Variants in KDM4C observed in about 807,000 individuals in gnomAD.
KDM4C encodes lysine-specific demethylase 4C.
Under a neutral mutation model 129.3 loss-of-function variants are expected in KDM4C, and 81 were observed. The observed-to-expected ratio is 0.63, with a 90% confidence interval of 0.52 to 0.75. The LOEUF is 0.75. Among genes scored for constraint, KDM4C ranks in the 30% least tolerant of loss-of-function variants. The probability of loss-of-function intolerance (pLI) is 0.00; values close to 1 mark genes in which losing one functional copy is unlikely to be tolerated. For missense variants in KDM4C, 1,457 were observed against 1,304.0 expected, an observed-to-expected ratio of 1.12 and a Z score of -1.81; for synonymous variants, 573 against 456.1, an observed-to-expected ratio of 1.26 and a Z score of -3.26.
intron 4 of KDM4C, among the ~76,000 whole-genome samples, 200 bp from the exon 5 acceptor site, chr9:6,849,307 T>C (rs1424851087): frequency 2.0e-5 from 3 of 152,196 alleles, no homozygotes; most frequent in South Asian, 2.1e-4. Flanking sequence ...GGAACCACAT[T>C]ATGCTGGTAG....
rs761194500 is a variant in KDM4C at position 6,849,509 on chromosome 9, T to C, written c.438T>C (p.Gly146=). Residue 146 remains glycine (G), a splice_region_variant and synonymous_variant, in exon 5 of 22, where the codon GGT becomes GGC. Transcript: ENST00000381309. ...ADINGSIYDE[G]VDEWNIARLN... is the part of the protein sequence containing the mutation. The stretch of plus-strand genomic sequence containing the variant: ...TCTTTTTTTCTCTCTCATTCCAGGG[T>C]GTGGATGAATGGAACATAGCTCGCC... 1.5e-5 allele frequency: 23 copies of C among 1,550,148 alleles called. No individual in the cohort carries two copies. The highest frequency in any genetic ancestry group is 1.8e-5 in the Non-Finnish European group (21 of 1,139,444).
chr9:6,798,494 G>A (rs1004397241), intron 2 of KDM4C, among the ~76,000 whole-genome samples: 24 of 151,966 alleles, frequency 1.6e-4, no homozygotes, highest in Non-Finnish European at 4.4e-5. Flanking sequence ...ATCTTGCACC[G>A]CCCTTAATCC....
At chr9:6,830,845 C>CT (rs1834694111) in intron 4 of KDM4C, among the ~76,000 whole-genome samples, 1 of 152,102 alleles carries the variant, frequency 6.6e-6, no homozygotes, top group Non-Finnish European at 1.5e-5. Context: ...TCTGACATTG[C>CT]TTTAAGAAAT....
At chr9:6,830,641 A>G (rs1834660660) in intron 4 of KDM4C, among the ~76,000 whole-genome samples, 1 of 152,216 alleles carries the variant, frequency 6.6e-6, no homozygotes, top group Non-Finnish European at 1.5e-5. Flanking sequence ...AATATTTAGG[A>G]GAATTATTGT....
chr9:7,032,030 T>C (rs775942868), intron 15 of KDM4C, among the ~76,000 whole-genome samples: 1 of 152,222 alleles, frequency 6.6e-6, no homozygotes, highest in Non-Finnish European at 1.5e-5. Flanking sequence ...AGACAATTCA[T>C]GTCTTAGAAA....
In KDM4C at chr9:7,015,475, T is replaced by G. The variant is rs529284846; in HGVS notation, c.2183-378T>G. Among the ~76,000 whole-genome samples, 5 of 152,284 alleles carry G rather than the reference T, an allele frequency of 3.3e-5. No individual in the cohort carries two copies. The South Asian group carries it at 1.0e-3, about 32-fold the overall frequency. On this transcript the variant is annotated intron_variant, in intron 14 of 21. Coordinates refer to ENST00000381309, the MANE Select transcript of KDM4C (RefSeq NM_015061.6). ...TGAGGTTAAAGGTAGTTAGACTTAA[T>G]TTTTGAAGCAATTTTAAATTATATT...
At chr9:7,054,319 CTTCT>C (rs1485849890) in intron 17 of KDM4C, among the ~76,000 whole-genome samples, 2 of 152,136 alleles carry the variant, frequency 1.3e-5, no homozygotes, top group East Asian at 1.9e-4. Context: ...TTTTCCTTTT[CTTCT>C]TTCTTTCTTA....
intron 3 of KDM4C, among the ~76,000 whole-genome samples, chr9:6,808,977 A>G (rs564377371): frequency 6.6e-6 from 1 of 152,280 alleles, no homozygotes; most frequent in African/African-American, 2.4e-5. Context: ...ACAAAAAATC[A>G]TAGTTTCCAA....
intron 15 of KDM4C, among the ~76,000 whole-genome samples, chr9:7,030,778 A>G (rs1270477853): frequency 6.6e-6 from 1 of 152,226 alleles, no homozygotes; most frequent in Non-Finnish European, 1.5e-5. Flanking sequence ...ATAGTAATAT[A>G]GTACAACAAA....
intron 17 of KDM4C, among the ~76,000 whole-genome samples, chr9:7,082,428 A>T (rs1834636274): frequency 6.6e-6 from 1 of 152,154 alleles, no homozygotes. Flanking sequence ...CCCCGTTAAG[A>T]ATGATGCCAC....
At chr9:6,723,971 T>TG (rs1315036773) in intron 1 of KDM4C, 2 of 152,172 alleles carry the variant, frequency 1.3e-5, no homozygotes, top group African/African-American at 4.8e-5. Flanking sequence ...ATGTTCCCAG[T>TG]GGGGAAATGC....
intron 18 of KDM4C, among the ~76,000 whole-genome samples, chr9:7,124,315 CTG>C (rs1327259752): frequency 6.6e-6 from 1 of 152,198 alleles, no homozygotes; most frequent in Non-Finnish European, 1.5e-5. Context: ...CTGACAATGA[CTG>C]TTTTTCAGTT....
chr9:6,946,297 T>G (rs1315331889), intron 8 of KDM4C, among the ~76,000 whole-genome samples: 1 of 152,140 alleles, frequency 6.6e-6, no homozygotes, highest in African/African-American at 2.4e-5. Flanking sequence ...ATTTTATTTT[T>G]TATTAATTAT....
At chr9:6,905,077 A>G (rs1330486687) in intron 8 of KDM4C, among the ~76,000 whole-genome samples, 2 of 152,260 alleles carry the variant, frequency 1.3e-5, no homozygotes, top group Non-Finnish European at 2.9e-5. Context: ...TGCTTAAAAT[A>G]TCCTTTAATT....
At chr9:6,992,004 T>C (rs1360283043) in intron 12 of KDM4C, among the ~76,000 whole-genome samples, 1 of 145,916 alleles carries the variant, frequency 6.9e-6, no homozygotes, top group African/African-American at 2.5e-5. Context: ...TATATCATAA[T>C]GTTGAGTTCT....
chr9:6,932,021 G>A (rs112758353), intron 8 of KDM4C, among the ~76,000 whole-genome samples: 2,325 of 152,330 alleles, frequency 0.015, 61 homozygotes, highest in African/African-American at 0.053. Flanking sequence ...TGATTCATCA[G>A]AGAAGTGAGC....
intron 4 of KDM4C, among the ~76,000 whole-genome samples, chr9:6,845,492 G>A (rs1260378104): frequency 6.6e-6 from 1 of 152,150 alleles, no homozygotes; most frequent in African/African-American, 2.4e-5. Flanking sequence ...TGGGATTACA[G>A]GCATGAGCCA....
At chr9:7,025,263 A>T (rs1825617186) in intron 15 of KDM4C, among the ~76,000 whole-genome samples, 2 of 152,096 alleles carry the variant, frequency 1.3e-5, no homozygotes, top group Non-Finnish European at 2.9e-5. Flanking sequence ...TATAAGTGAA[A>T]TGTGTTTCTT....
At chr9:6,836,599 C>T (rs1228986996) in intron 4 of KDM4C, among the ~76,000 whole-genome samples, 1 of 152,110 alleles carries the variant, frequency 6.6e-6, no homozygotes, top group African/African-American at 2.4e-5. Flanking sequence ...TGTTTGATTT[C>T]TTGCCTTGTA....
Sources: allele counts gnomAD v4.1 joint callset (sites outside exome capture counted in the v4.1 genomes callset), GRCh38; gene constraint gnomAD v4.1.1; transcripts MANE v1.5; gene names NCBI Gene and HGNC (gene_info 2026-07-23, HGNC 2026-07-21).